ULK4: variants seen among roughly 807,000 people sequenced by gnomAD.
ULK4 encodes the protein inactive serine/threonine-protein kinase ULK4.
In ULK4, 133 loss-of-function variants were observed where a neutral mutation model predicts 160.6. The observed-to-expected ratio is 0.83, with a 90% CI of 0.72 to 0.96. ULK4 has a LOEUF of 0.96. Ranked by LOEUF, ULK4 falls within the 40% of genes least tolerant of loss-of-function variation. The pLI, the probability that ULK4 is intolerant of heterozygous loss-of-function variation, is 0.00. For missense variants in ULK4, 1,580 were observed against 1,499.5 expected, an observed-to-expected ratio of 1.05 and a Z score of -0.89; for synonymous variants, 534 against 539.8, an observed-to-expected ratio of 0.99 and a Z score of 0.15.
chr3:41,624,060 G>C (rs1559440308), intron 30 of ULK4, among the ~76,000 whole-genome samples: 1 of 152,164 alleles, frequency 6.6e-6, no homozygotes, highest in Admixed American at 6.5e-5. Context: ...CAAATGTTAA[G>C]TTCATTTATA....
intron 35 of ULK4, among the ~76,000 whole-genome samples, chr3:41,348,268 T>C (rs1222379140): frequency 6.7e-6 from 1 of 149,198 alleles, no homozygotes; most frequent in Non-Finnish European, 1.5e-5. Context: ...AGAATAAGAT[T>C]TCAAATGTGA....
chr3:41,797,702 A>G (rs957277126), intron 20 of ULK4, among the ~76,000 whole-genome samples: 1 of 152,086 alleles, frequency 6.6e-6, no homozygotes, highest in Non-Finnish European at 1.5e-5. Context: ...TCTACTAAAA[A>G]ATACAAAAAT....
intron 32 of ULK4, among the ~76,000 whole-genome samples, chr3:41,499,240 G>T (rs1409467622): frequency 2.0e-5 from 3 of 152,098 alleles, no homozygotes; most frequent in African/African-American, 7.2e-5. Flanking sequence ...TTAATTGATG[G>T]AAACTCTTTT....
chr3:41,702,855 G>GT (rs778490796), intron 27 of ULK4, among the ~76,000 whole-genome samples: 23,601 of 145,918 alleles, frequency 0.16, 5,506 homozygotes, highest in African/African-American at 0.53. Context: ...TTTTTTTTTG[G>GT]TTTTGTTTTT....
chr3:41,368,574 A>G (rs1444364701), intron 35 of ULK4, among the ~76,000 whole-genome samples: 1 of 152,204 alleles, frequency 6.6e-6, no homozygotes, highest in African/African-American at 2.4e-5. Flanking sequence ...GTAGATTTGT[A>G]GATTCCACAT....
intron 34 of ULK4, among the ~76,000 whole-genome samples, chr3:41,416,478 CAT>C (rs925581190): frequency 1.3e-5 from 2 of 152,114 alleles, no homozygotes; most frequent in Non-Finnish European, 1.5e-5. Context: ...CTCTTTGAAG[CAT>C]TTGATTTTTC....
At chr3:41,537,828 CAA>C (rs1172389977) in intron 32 of ULK4, among the ~76,000 whole-genome samples, 1 of 151,936 alleles carries the variant, frequency 6.6e-6, no homozygotes, top group African/African-American at 2.4e-5. Flanking sequence ...ATAAAAGTAA[CAA>C]TATTTCCACA....
intron 11 of ULK4, among the ~76,000 whole-genome samples, chr3:41,910,572 G>A (rs1325413375): frequency 6.6e-6 from 1 of 151,638 alleles, no homozygotes; most frequent in Non-Finnish European, 1.5e-5. Flanking sequence ...CTCTAGCCTG[G>A]ACAACAGAAC....
rs75654402 is a variant in ULK4, at chr3:41,640,035, T to C, written c.3071+23572A>G. 3.9e-3 allele frequency among the ~76,000 whole-genome samples: 598 copies of C among 152,282 alleles called. 2 individuals carry two copies. The highest frequency in any genetic ancestry group is 5.5e-3 in the Non-Finnish European group (373 of 68,020). On this transcript the variant is annotated intron_variant, in intron 30 of 36. Transcript: ENST00000301831. ...AGCATCCACTGAAGGATATCAATGA[T>C]TGGATGGCTGATGGCCCATAAAAGC...
At chr3:41,261,561 T>C (rs2078943327) in intron 35 of ULK4, among the ~76,000 whole-genome samples, 1 of 152,218 alleles carries the variant, frequency 6.6e-6, no homozygotes, top group African/African-American at 2.4e-5. Context: ...GCCGTGTTTC[T>C]AGCCCCACTG....
chr3:41,738,928 A>T (rs1464088688), intron 22 of ULK4, among the ~76,000 whole-genome samples: 1 of 151,914 alleles, frequency 6.6e-6, no homozygotes, highest in African/African-American at 2.4e-5. Flanking sequence ...ATCTAGTACT[A>T]CTTGAACCCC....
At chr3:41,658,735 A>ACACACACTCT (rs2035034686) in intron 30 of ULK4, among the ~76,000 whole-genome samples, 1 of 131,350 alleles carries the variant, frequency 7.6e-6, no homozygotes, top group African/African-American at 2.9e-5. Flanking sequence ...CAGTACACAC[A>ACACACACTCT]CACACACACA....
At chr3:41,599,790 C>T (rs2031945781) in intron 31 of ULK4, among the ~76,000 whole-genome samples, 1 of 151,966 alleles carries the variant, frequency 6.6e-6, no homozygotes, top group South Asian at 2.1e-4. Flanking sequence ...GTCTCGAACT[C>T]CCGGCCTCAA....
intron 35 of ULK4, among the ~76,000 whole-genome samples, chr3:41,332,807 T>C (rs1007266884): frequency 1.3e-5 from 2 of 152,180 alleles, no homozygotes; most frequent in Non-Finnish European, 2.9e-5. Flanking sequence ...CCTGACTCCC[T>C]TCCTTCCCCC....
intron 22 of ULK4, among the ~76,000 whole-genome samples, chr3:41,751,935 G>A (rs1436364839): frequency 2.0e-5 from 3 of 152,188 alleles, no homozygotes; most frequent in Non-Finnish European, 2.9e-5. Flanking sequence ...CTCAAATGGA[G>A]TGTGCCCAAA....
Position 41,835,946 on chromosome 3 carries a change from A to G in ULK4, c.1682T>C (p.Ile561Thr), listed in dbSNP as rs764246662. The change falls in exon 18 of 37, where the codon ATT (isoleucine) becomes ACT (threonine). Residue 561 changes from isoleucine to threonine, a missense_variant. Transcript: ENST00000301831. ...TTTGCTGTTCCTGAAGTTTTCCCTA[A>G]TTAATTCAGTTAAGAGAACAATTGC... is the stretch of plus-strand genomic sequence containing the variant. ...VEAIVLLTELIRENFRNSKLK... is the reference protein window; with the variant it reads ...VEAIVLLTELTRENFRNSKLK... 2 of 1,610,446 alleles carry G rather than the reference A, an allele frequency of 1.2e-6. No homozygotes were observed. The highest frequency in any genetic ancestry group is 2.2e-5 in the South Asian group (2 of 90,424).
chr3:41,326,866 G>T (rs2080348561), intron 35 of ULK4, among the ~76,000 whole-genome samples: 1 of 152,142 alleles, frequency 6.6e-6, no homozygotes, highest in Admixed American at 6.5e-5. Context: ...AGGGACCCCC[G>T]ACTCAGCAGC....
At chr3:41,568,735 C>T (rs71331192) in intron 31 of ULK4, among the ~76,000 whole-genome samples, 7,783 of 152,220 alleles carry the variant, frequency 0.051, 302 homozygotes, top group Non-Finnish European at 0.08. Context: ...TCCCCACACA[C>T]GAAGCAAGCA....
At chr3:41,465,693 T>C (rs1025600134) in intron 32 of ULK4, among the ~76,000 whole-genome samples, 1 of 152,212 alleles carries the variant, frequency 6.6e-6, no homozygotes, top group African/African-American at 2.4e-5. Context: ...TAATTGCACC[T>C]AGAGACTTGA....
Sources: gnomAD v4.1 joint callset for allele counts (sites outside exome capture counted in the v4.1 genomes callset) on GRCh38, gnomAD v4.1.1 for gene constraint, MANE v1.5 for transcripts, NCBI Gene and HGNC (gene_info 2026-07-23, HGNC 2026-07-21) for gene names.